Variants in MLLT10 observed in about 807,000 individuals in gnomAD.
MLLT10 encodes the protein protein AF-10.
A neutral mutation model predicts 129.1 loss-of-function variants in MLLT10; 30 were observed. The ratio of observed to expected loss-of-function variants is 0.23; its 90% CI spans 0.17 to 0.32. The LOEUF (loss-of-function observed/expected upper bound fraction) is 0.32. Ranked by LOEUF, MLLT10 falls within the 10% of genes least tolerant of loss-of-function variation. The probability of loss-of-function intolerance (pLI) is 1.00; values close to 1 mark genes in which losing one functional copy is unlikely to be tolerated. For missense variants in MLLT10, 1,119 were observed against 1,268.3 expected (o/e 0.88, Z 1.79); for synonymous variants, 490 against 446.4 (o/e 1.10, Z -1.23).
chr10:21,578,304 C>G (rs1313087911), intron 3 of MLLT10, among the ~76,000 whole-genome samples: 1 of 152,104 alleles, frequency 6.6e-6, no homozygotes, highest in Non-Finnish European at 1.5e-5. Flanking sequence ...ATCCTTTGTT[C>G]AATTTTTAAC....
intron 3 of MLLT10, among the ~76,000 whole-genome samples, chr10:21,559,369 C>T (rs975942649): frequency 7.2e-5 from 11 of 152,194 alleles, no homozygotes; most frequent in Admixed American, 1.3e-4. Flanking sequence ...TGAGCCACTG[C>T]GCTTGGCAAG....
intron 13 of MLLT10, among the ~76,000 whole-genome samples, chr10:21,693,391 A>AT (rs2054063450): frequency 6.6e-6 from 1 of 151,446 alleles, no homozygotes; most frequent in African/African-American, 2.4e-5. Context: ...AAAAAACCTT[A>AT]TTTTAGTTTC....
intron 11 of MLLT10, among the ~76,000 whole-genome samples, chr10:21,678,051 A>C (rs1354489820): frequency 6.6e-6 from 1 of 152,116 alleles, no homozygotes; most frequent in Non-Finnish European, 1.5e-5. Flanking sequence ...TTCCCCTCTG[A>C]GTGTTTATAG....
intron 14 of MLLT10, among the ~76,000 whole-genome samples, chr10:21,722,236 C>T (rs934530631): frequency 6.6e-6 from 1 of 152,166 alleles, no homozygotes; most frequent in African/African-American, 2.4e-5. Context: ...TATATTCTTA[C>T]AGTACCAGCA....
chr10:21,592,637 T>C (rs980553493), intron 4 of MLLT10, among the ~76,000 whole-genome samples: 5 of 152,170 alleles, frequency 3.3e-5, no homozygotes, highest in African/African-American at 9.7e-5. Context: ...TTTGTATTTT[T>C]AGTAGAGACG....
At chr10:21,698,041 G>T (rs1215613332) in intron 13 of MLLT10, among the ~76,000 whole-genome samples, 1 of 152,136 alleles carries the variant, frequency 6.6e-6, no homozygotes, top group East Asian at 1.9e-4. Flanking sequence ...CACCTCGAAT[G>T]TTTATCATTT....
At chr10:21,534,152 G>T, upstream of MLLT10, 1 of 370,674 alleles carries the variant, frequency 2.7e-6, no homozygotes, top group South Asian at 1.5e-4. Context: ...TAGGCCGGGG[G>T]CAGCCAACAG....
intron 5 of MLLT10, among the ~76,000 whole-genome samples, chr10:21,599,046 G>A (rs1169470528): frequency 6.6e-6 from 1 of 152,060 alleles, no homozygotes; most frequent in Non-Finnish European, 1.5e-5. Context: ...GGGTGTAGTA[G>A]CAGGCGCCTG....
chr10:21,580,540 C>T (rs1395135832), intron 3 of MLLT10, among the ~76,000 whole-genome samples: 3 of 151,814 alleles, frequency 2.0e-5, no homozygotes, highest in African/African-American at 7.3e-5. Context: ...AGGCGCCCGC[C>T]ACCACGCCTG....
At chr10:21,553,327 T>A (rs981313379) in intron 3 of MLLT10, among the ~76,000 whole-genome samples, 1 of 147,114 alleles carries the variant, frequency 6.8e-6, no homozygotes, top group Non-Finnish European at 1.5e-5. Flanking sequence ...CAGTTCTAAT[T>A]TTTTTTTTTT....
rs560948449 is a variant in MLLT10, at chr10:21,599,726, G to A, written c.405+4286G>A. Among the ~76,000 whole-genome samples, 12 of 152,070 alleles carry A rather than the reference G, an allele frequency of 7.9e-5. No homozygotes were observed. In the East Asian group the frequency reaches 2.3e-3, roughly 29 times the overall value. On this transcript the variant is annotated intron_variant, in intron 5 of 22. Transcript: ENST00000307729. ...ACTACAGGCACACCCATCACACCCG[G>A]CTAAGTTTTTTGTATTTTTTTTGTA...
chr10:21,545,815 T>C (rs2035976263), intron 3 of MLLT10, among the ~76,000 whole-genome samples: 1 of 152,164 alleles, frequency 6.6e-6, no homozygotes, highest in Non-Finnish European at 1.5e-5. Flanking sequence ...TATAGGTGCA[T>C]ACCACTATGT....
intron 11 of MLLT10, among the ~76,000 whole-genome samples, chr10:21,677,994 C>T (rs1392613677): frequency 6.6e-6 from 1 of 152,162 alleles, no homozygotes; most frequent in African/African-American, 2.4e-5. Flanking sequence ...TTAGTTGTCT[C>T]GTGAGTGTAT....
At chr10:21,705,717 G>A (rs1241270812) in intron 13 of MLLT10, among the ~76,000 whole-genome samples, 2 of 152,186 alleles carry the variant, frequency 1.3e-5, no homozygotes, top group Non-Finnish European at 2.9e-5. Flanking sequence ...CTTGGCCTTA[G>A]TCCTAGCGCT....
chr10:21,654,411 G>T (rs1392735279), intron 9 of MLLT10, among the ~76,000 whole-genome samples: 1 of 152,196 alleles, frequency 6.6e-6, no homozygotes, highest in African/African-American at 2.4e-5. Context: ...AATATGAGAA[G>T]GGATGGGATT....
At chr10:21,740,801 A>G (rs2058764717) in intron 22 of MLLT10, among the ~76,000 whole-genome samples, 1 of 152,256 alleles carries the variant, frequency 6.6e-6, no homozygotes, top group Non-Finnish European at 1.5e-5. Flanking sequence ...CAGGAACAGT[A>G]TTCTACACAT....
At chr10:21,540,172 C>T (rs755548832) in intron 3 of MLLT10, among the ~76,000 whole-genome samples, 4 of 152,102 alleles carry the variant, frequency 2.6e-5, no homozygotes, top group African/African-American at 7.2e-5. Flanking sequence ...GGGCGGATCA[C>T]TTGGGGTCAG....
chr10:21,672,889 C>T (rs1218847184), intron 10 of MLLT10, among the ~76,000 whole-genome samples: 1 of 152,124 alleles, frequency 6.6e-6, no homozygotes, highest in Non-Finnish European at 1.5e-5. Flanking sequence ...CATTTTCAAT[C>T]ATACCTTCAA....
intron 12 of MLLT10, 62 bp from the exon 13 acceptor site, chr10:21,682,163 G>A (rs1317145895): frequency 1.5e-6 from 2 of 1,370,364 alleles, no homozygotes; most frequent in Non-Finnish European, 2.1e-6. Flanking sequence ...GTATGGCTAT[G>A]TATTTCTTTT....
Sources: allele counts gnomAD v4.1 joint callset (sites outside exome capture counted in the v4.1 genomes callset), GRCh38; gene constraint gnomAD v4.1.1; transcripts MANE v1.5; gene names NCBI Gene and HGNC (gene_info 2026-07-23, HGNC 2026-07-21).